Variants in ATRNL1 observed in about 807,000 individuals in gnomAD.
ATRNL1 encodes attractin-like protein 1.
ATRNL1 carries 95 observed loss-of-function variants against 182.7 expected under a neutral mutation model. The ratio of observed to expected loss-of-function variants is 0.52; its 90% CI spans 0.44 to 0.62. ATRNL1 has a LOEUF of 0.62. Ranked by LOEUF, ATRNL1 falls within the 20% of genes least tolerant of loss-of-function variation. The pLI is 0.00. For missense variants in ATRNL1, 1,471 were observed against 1,679.5 expected (o/e 0.88, Z 2.17); for synonymous variants, 576 against 568.3 (o/e 1.01, Z -0.19).
chr10:115,381,985 C>G (rs797037636), intron 19 of ATRNL1, among the ~76,000 whole-genome samples: 2 of 151,796 alleles, frequency 1.3e-5, no homozygotes, highest in East Asian at 3.9e-4. Context: ...ATTTTGGCAC[C>G]CTTGACAAGA....
At chr10:115,132,390 T>C (rs1554875449) in intron 5 of ATRNL1, among the ~76,000 whole-genome samples, 11 of 152,184 alleles carry the variant, frequency 7.2e-5, no homozygotes, top group Non-Finnish European at 2.9e-5. Flanking sequence ...GCAATAAACA[T>C]ATGTGTGCAT....
intron 28 of ATRNL1, among the ~76,000 whole-genome samples, chr10:115,873,003 A>G (rs1555106464): frequency 6.6e-6 from 1 of 152,242 alleles, no homozygotes; most frequent in Non-Finnish European, 1.5e-5. Context: ...CTTTCCGATC[A>G]TATTTCAGTT....
chr10:115,493,996 A>G (rs1554977409), intron 24 of ATRNL1, among the ~76,000 whole-genome samples: 2 of 152,072 alleles, frequency 1.3e-5, no homozygotes, highest in Admixed American at 6.6e-5. Context: ...TAAGTTCCTT[A>G]TAAATTCTGG....
At position 115,598,503 on chromosome 10, in the gene ATRNL1, A is replaced by G. The variant is rs936760534; in HGVS notation, c.3795+48967A>G. Among the ~76,000 whole-genome samples the G allele has an allele frequency of 1.5e-4, 23 of 151,620 alleles. No homozygotes were observed. In the East Asian group the frequency reaches 4.5e-3, roughly 30 times the overall value. On this transcript the variant is annotated intron_variant, in intron 26 of 28. Coordinates refer to ENST00000355044, the MANE Select transcript of ATRNL1 (RefSeq NM_207303.4). ...CTCAGCCTCCTGAGTAGCCAGGACTACAGGCACACACCACCACGCCTGGCT... is the reference window on the plus strand; with the variant it reads ...CTCAGCCTCCTGAGTAGCCAGGACTGCAGGCACACACCACCACGCCTGGCT...
At chr10:115,646,036 T>TAC (rs58679995) in intron 26 of ATRNL1, among the ~76,000 whole-genome samples, 6,187 of 141,602 alleles carry the variant, frequency 0.044, 280 homozygotes, top group African/African-American at 0.12. Context: ...TTTTAAAATT[T>TAC]ACACACACAC....
chr10:115,435,695 C>T (rs1846374544), intron 21 of ATRNL1, among the ~76,000 whole-genome samples: 2 of 152,102 alleles, frequency 1.3e-5, no homozygotes, highest in Non-Finnish European at 2.9e-5. Flanking sequence ...GTACTCTATC[C>T]CCAGCTAATA....
chr10:115,302,882 C>T (rs1853545710), intron 17 of ATRNL1, among the ~76,000 whole-genome samples: 1 of 152,154 alleles, frequency 6.6e-6, no homozygotes. Context: ...CCAATCTTAG[C>T]TAGCTTCTTC....
chr10:115,409,777 C>A (rs897841398), intron 20 of ATRNL1, among the ~76,000 whole-genome samples: 1 of 152,072 alleles, frequency 6.6e-6, no homozygotes, highest in African/African-American at 2.4e-5. Flanking sequence ...GGCTAATATC[C>A]CTGATGAACA....
intron 26 of ATRNL1, among the ~76,000 whole-genome samples, chr10:115,575,470 T>C (rs1854644862): frequency 6.6e-6 from 1 of 152,176 alleles, no homozygotes; most frequent in Non-Finnish European, 1.5e-5. Context: ...GTTGTTGACA[T>C]CTGGAGTGTT....
intron 27 of ATRNL1, among the ~76,000 whole-genome samples, chr10:115,823,723 A>T (rs1950358170): frequency 6.6e-6 from 1 of 152,220 alleles, no homozygotes; most frequent in African/African-American, 2.4e-5. Context: ...CTTACAAAGG[A>T]CGTGAAGGAC....
At chr10:115,680,934 G>A (rs141522079) in intron 26 of ATRNL1, among the ~76,000 whole-genome samples, 2 of 152,124 alleles carry the variant, frequency 1.3e-5, no homozygotes, top group Non-Finnish European at 2.9e-5. Flanking sequence ...GAGAACACTT[G>A]TCTGACCTGG....
intron 28 of ATRNL1, among the ~76,000 whole-genome samples, chr10:115,895,833 C>T (rs1488372106): frequency 6.6e-6 from 1 of 152,168 alleles, no homozygotes; most frequent in Non-Finnish European, 1.5e-5. Context: ...GGAGCTGATG[C>T]TTGAACTGGG....
Position 115,736,781 on chromosome 10 carries a change from T to G in ATRNL1, c.3903+9426T>G, listed in dbSNP as rs114288153. 6.8e-3 allele frequency among the ~76,000 whole-genome samples: 1,030 copies of G among 152,210 alleles called. 14 individuals are homozygous for G. The highest frequency in any genetic ancestry group is 0.023 in the African/African-American group (976 of 41,546). On this transcript the variant is annotated intron_variant, in intron 27 of 28. Transcript: ENST00000355044. ...TTTTCCTTTTTATTTATTTATTATT[T>G]TTTTGAGACGGCGTCTTGCTCTGTC...
intron 28 of ATRNL1, among the ~76,000 whole-genome samples, chr10:115,907,385 A>G (rs782428030): frequency 2.0e-5 from 3 of 152,186 alleles, no homozygotes; most frequent in Non-Finnish European, 4.4e-5. Flanking sequence ...TGCAGGTGCT[A>G]TTTTGCTATT....
intron 26 of ATRNL1, among the ~76,000 whole-genome samples, chr10:115,664,049 C>T (rs1286870680): frequency 6.6e-6 from 1 of 152,130 alleles, no homozygotes; most frequent in Non-Finnish European, 1.5e-5. Flanking sequence ...ATGCTCTCAC[C>T]TAAATCCAGC....
At chr10:115,182,525 T>C (rs142645327) in intron 8 of ATRNL1, among the ~76,000 whole-genome samples, 16 of 151,652 alleles carry the variant, frequency 1.1e-4, no homozygotes, top group African/African-American at 3.9e-4. Context: ...TATCAGTACA[T>C]GGGAATGGGA....
chr10:115,247,364 C>T (rs1850689991), intron 10 of ATRNL1, among the ~76,000 whole-genome samples: 1 of 152,068 alleles, frequency 6.6e-6, no homozygotes, highest in South Asian at 2.1e-4. Context: ...CAAAAATAGG[C>T]AAATGATCTC....
chr10:115,676,286 T>C (rs1191955772), intron 26 of ATRNL1, among the ~76,000 whole-genome samples: 1 of 151,990 alleles, frequency 6.6e-6, no homozygotes, highest in East Asian at 1.9e-4. Flanking sequence ...TCAAAGATAT[T>C]GTACATTTTA....
intron 27 of ATRNL1, among the ~76,000 whole-genome samples, chr10:115,790,451 G>A (rs927737628): frequency 6.6e-6 from 1 of 151,822 alleles, no homozygotes; most frequent in African/African-American, 2.4e-5. Flanking sequence ...AGGCCTCTAC[G>A]GCCTTTCTGT....
Sources: gnomAD v4.1 joint callset for allele counts (sites outside exome capture counted in the v4.1 genomes callset) on GRCh38, gnomAD v4.1.1 for gene constraint, MANE v1.5 for transcripts, NCBI Gene and HGNC (gene_info 2026-07-23, HGNC 2026-07-21) for gene names.